The following CNTNAP2 variants were observed in gnomAD, a reference collection of about 807,000 sequenced individuals.
CNTNAP2 encodes contactin associated protein 2.
CNTNAP2 carries 98 observed loss-of-function variants against 155.2 expected under a neutral mutation model. The ratio of observed to expected loss-of-function variants is 0.63; its 90% CI spans 0.54 to 0.75. The LOEUF (loss-of-function observed/expected upper bound fraction) is 0.75. Ranked by LOEUF, CNTNAP2 falls within the 30% of genes least tolerant of loss-of-function variation. The probability of loss-of-function intolerance (pLI) is 0.00; values close to 1 mark genes in which losing one functional copy is unlikely to be tolerated. For synonymous variants in CNTNAP2, 651 were observed against 631.2 expected, an observed-to-expected ratio of 1.03 and a Z score of -0.47; for missense variants, 1,727 against 1,688.1, an observed-to-expected ratio of 1.02 and a Z score of -0.40.
At chr7:148,297,165 A>AAAGGAAGGAAGGAAGGAAGGAAGG (rs141074994) in intron 21 of CNTNAP2, among the ~76,000 whole-genome samples, 1,346 of 128,884 alleles carry the variant, frequency 0.01, 21 homozygotes, top group South Asian at 0.029. Flanking sequence ...GAGATAGAGA[A>AAAGGAAGGAAGGAAGGAAGGAAGG]AAGGAAGGAA....
At chr7:146,472,233 C>T (rs1365201773) in intron 1 of CNTNAP2, among the ~76,000 whole-genome samples, 3 of 152,198 alleles carry the variant, frequency 2.0e-5, no homozygotes, top group South Asian at 4.1e-4. Context: ...TGGAGGTCTG[C>T]GCTATATATG....
At chr7:148,266,658 CA>C (rs1419573372) in intron 20 of CNTNAP2, among the ~76,000 whole-genome samples, 1 of 152,088 alleles carries the variant, frequency 6.6e-6, no homozygotes, top group Admixed American at 6.6e-5. Flanking sequence ...AATGTTTCCG[CA>C]AAACTTCATT....
intron 1 of CNTNAP2, among the ~76,000 whole-genome samples, chr7:146,760,117 G>A (rs911387556): frequency 3.3e-5 from 5 of 152,096 alleles, no homozygotes; most frequent in African/African-American, 1.2e-4. Context: ...TCAATTAGAT[G>A]TGAAGATACA....
chr7:146,325,565 G>GA (rs1449791243), intron 1 of CNTNAP2, among the ~76,000 whole-genome samples: 1 of 151,860 alleles, frequency 6.6e-6, no homozygotes, highest in Non-Finnish European at 1.5e-5. Context: ...AACTGAAGGG[G>GA]AAAAAGACAG....
intron 18 of CNTNAP2, among the ~76,000 whole-genome samples, chr7:148,206,037 T>A (rs2116737658): frequency 6.6e-6 from 1 of 152,050 alleles, no homozygotes; most frequent in African/African-American, 2.4e-5. Flanking sequence ...CACACATGTA[T>A]AAATATTCAT....
chr7:146,698,331 A>G (rs1800818545), intron 1 of CNTNAP2, among the ~76,000 whole-genome samples: 1 of 152,098 alleles, frequency 6.6e-6, no homozygotes, highest in South Asian at 2.1e-4. Context: ...TATTTTTTAA[A>G]AGGGAGGCTT....
In CNTNAP2 at chr7:147,191,332, G is replaced by A. The variant is rs778094515; in HGVS notation, c.1348+58823G>A. Among the ~76,000 whole-genome samples, 8 of 152,154 alleles carry A rather than the reference G, an allele frequency of 5.3e-5. 1 individual carries two copies. The highest frequency in any genetic ancestry group is 1.0e-4 in the Non-Finnish European group (7 of 68,032). On this transcript the variant is annotated intron_variant, in intron 8 of 23. Coordinates refer to ENST00000361727, the MANE Select transcript of CNTNAP2 (RefSeq NM_014141.6). ...TAAAGACCAGTTTTCATTAACATTT[G>A]CGTTAAAGTTAAATATCATTTTTAT... is the stretch of plus-strand genomic sequence containing the variant.
In CNTNAP2 at chr7:147,185,203, TA is replaced by T. The variant is rs1211206751; in HGVS notation, c.1348+52696del. On this transcript the variant is annotated intron_variant, in intron 8 of 23. Transcript: ENST00000361727. ...GGAAAATAGAAAGAAGTAATATAAA[TA>T]AGAACATTAGATAAATGTTAATAAA... Among the ~76,000 whole-genome samples the T allele has an allele frequency of 6.6e-5, 10 of 152,004 alleles. No individual in the cohort carries two copies. The East Asian group carries it at 1.9e-3, about 29-fold the overall frequency.
chr7:147,440,193 T>C (rs1279833980), intron 10 of CNTNAP2, among the ~76,000 whole-genome samples: 1 of 152,074 alleles, frequency 6.6e-6, no homozygotes, highest in Non-Finnish European at 1.5e-5. Flanking sequence ...TCTGATTATA[T>C]AATTTAGTTT....
chr7:147,870,140 A>G (rs1019460682), intron 13 of CNTNAP2, among the ~76,000 whole-genome samples: 2 of 152,196 alleles, frequency 1.3e-5, no homozygotes, highest in African/African-American at 2.4e-5. Flanking sequence ...ATGCCAAGAC[A>G]AGAATATATG....
chr7:146,654,810 A>T, intron 1 of CNTNAP2, among the ~76,000 whole-genome samples: 1 of 152,122 alleles, frequency 6.6e-6, no homozygotes. Flanking sequence ...GTCATTTTTC[A>T]TGAGTTCTGA....
chr7:147,905,088 A>G (rs1232831330), intron 14 of CNTNAP2, among the ~76,000 whole-genome samples: 1 of 152,224 alleles, frequency 6.6e-6, no homozygotes, highest in African/African-American at 2.4e-5. Context: ...CAACTCTTCT[A>G]GGCACTGGGG....
At chr7:146,151,632 C>A (rs531132392) in intron 1 of CNTNAP2, among the ~76,000 whole-genome samples, 1 of 76,158 alleles carries the variant, frequency 1.3e-5, no homozygotes, top group Non-Finnish European at 2.6e-5. Context: ...ACAAAGAAAA[C>A]GTGATATATA....
intron 9 of CNTNAP2, among the ~76,000 whole-genome samples, chr7:147,308,220 G>A (rs1395800493): frequency 1.3e-5 from 2 of 152,178 alleles, no homozygotes; most frequent in East Asian, 1.9e-4. Flanking sequence ...TGTGTGCAGG[G>A]AGCGATTAGG....
At chr7:147,332,660 G>C (rs752463840) in intron 9 of CNTNAP2, among the ~76,000 whole-genome samples, 1 of 152,098 alleles carries the variant, frequency 6.6e-6, no homozygotes, top group Non-Finnish European at 1.5e-5. Flanking sequence ...TCTGAAGTTC[G>C]AGACCAGCCT....
chr7:147,657,996 C>A (rs2116948951), intron 13 of CNTNAP2, among the ~76,000 whole-genome samples: 1 of 118,370 alleles, frequency 8.4e-6, no homozygotes, highest in African/African-American at 2.8e-5. Flanking sequence ...GTGGCTCACG[C>A]CTGTAATCCC....
At chr7:147,924,070 G>T (rs1229275960) in intron 14 of CNTNAP2, among the ~76,000 whole-genome samples, 1 of 151,956 alleles carries the variant, frequency 6.6e-6, no homozygotes, top group Admixed American at 6.6e-5. Flanking sequence ...ATGTTGGACA[G>T]CTCCAGGCAT....
chr7:146,250,967 T>C (rs1799747115), intron 1 of CNTNAP2, among the ~76,000 whole-genome samples: 1 of 152,240 alleles, frequency 6.6e-6, no homozygotes, highest in Admixed American at 6.5e-5. Flanking sequence ...GCCATTATTT[T>C]CTTACTGTGA....
chr7:146,422,524 C>T (rs1011664450), intron 1 of CNTNAP2, among the ~76,000 whole-genome samples: 1 of 151,920 alleles, frequency 6.6e-6, no homozygotes, highest in African/African-American at 2.4e-5. Flanking sequence ...TTTTTCATCT[C>T]TATTTGAAAA....
Sources: allele counts gnomAD v4.1 joint callset (sites outside exome capture counted in the v4.1 genomes callset), GRCh38; gene constraint gnomAD v4.1.1; transcripts MANE v1.5; gene names NCBI Gene and HGNC (gene_info 2026-07-23, HGNC 2026-07-21).